Variants in CSMD3 observed in about 807,000 individuals in gnomAD.
The protein encoded by CSMD3 is CUB and sushi domain-containing protein 3.
In CSMD3, 177 loss-of-function variants were observed where a neutral mutation model predicts 435.2. That is an observed-to-expected ratio of 0.41 (90% CI 0.36 to 0.46). CSMD3 has a LOEUF of 0.46. CSMD3 is among the 20% of genes least tolerant of loss of function. The probability of loss-of-function intolerance (pLI) is 0.34; values close to 1 mark genes in which losing one functional copy is unlikely to be tolerated. For synonymous variants in CSMD3, 1,656 were observed against 1,520.5 expected, an observed-to-expected ratio of 1.09 and a Z score of -2.07; for missense variants, 4,265 against 4,504.6, an observed-to-expected ratio of 0.95 and a Z score of 1.52.
intron 2 of CSMD3, among the ~76,000 whole-genome samples, chr8:113,308,589 A>G (rs1168030386): frequency 6.6e-6 from 1 of 152,148 alleles, no homozygotes; most frequent in Non-Finnish European, 1.5e-5. Flanking sequence ...TCTTATGTAT[A>G]CAGTCATAAA....
intron 13 of CSMD3, among the ~76,000 whole-genome samples, chr8:112,773,843 C>A (rs1175810829): frequency 6.6e-6 from 1 of 151,850 alleles, no homozygotes; most frequent in Non-Finnish European, 1.5e-5. Context: ...ATATTTCCTG[C>A]CAAAGTAGAA....
At chr8:112,829,623 T>G (rs2079803325) in intron 12 of CSMD3, 63 bp downstream of exon 12, 4 of 901,976 alleles carry the variant, frequency 4.4e-6, no homozygotes, top group Non-Finnish European at 3.7e-6. Flanking sequence ...AAACAATAAT[T>G]TGAAAGTAAA....
chr8:113,228,260 C>T (rs1265977580), intron 3 of CSMD3, among the ~76,000 whole-genome samples: 1 of 151,578 alleles, frequency 6.6e-6, no homozygotes, highest in African/African-American at 2.4e-5. Context: ...GGTCCACCTT[C>T]CCCTATCTCT....
chr8:113,392,120 T>C (rs982731280), intron 1 of CSMD3, among the ~76,000 whole-genome samples: 6 of 152,092 alleles, frequency 3.9e-5, no homozygotes, highest in African/African-American at 1.4e-4. Flanking sequence ...CAAATTATCA[T>C]TAGTTTTGAG....
chr8:112,295,650 T>C (rs1820187344), intron 54 of CSMD3, among the ~76,000 whole-genome samples, 183 bp downstream of exon 54: 1 of 151,912 alleles, frequency 6.6e-6, no homozygotes. Context: ...AAAATATAAC[T>C]GAAATTCTCT....
intron 1 of CSMD3, among the ~76,000 whole-genome samples, chr8:113,386,532 A>G (rs758899967): frequency 6.6e-6 from 1 of 151,868 alleles, no homozygotes; most frequent in Non-Finnish European, 1.5e-5. Flanking sequence ...CAATACTGGC[A>G]TATTCTGTTA....
chr8:112,430,393 G>T (rs1007540257), intron 32 of CSMD3, among the ~76,000 whole-genome samples: 1 of 151,978 alleles, frequency 6.6e-6, no homozygotes, highest in Admixed American at 6.6e-5. Flanking sequence ...CACTCATTTA[G>T]GTAATCAGTT....
chr8:112,406,999 AT>A (rs1831918815), intron 34 of CSMD3, among the ~76,000 whole-genome samples: 1 of 151,948 alleles, frequency 6.6e-6, no homozygotes, highest in African/African-American at 2.4e-5. Context: ...ACTCATTAAT[AT>A]TACAAAATAG....
chr8:112,246,980 C>A, intron 64 of CSMD3, 40 bp downstream of exon 64: 1 of 1,374,566 alleles, frequency 7.3e-7, no homozygotes, highest in Non-Finnish European at 1.0e-6. Context: ...CATATAAATT[C>A]TTACCCATGA....
At chr8:112,506,557 A>G (rs543956620) in intron 29 of CSMD3, 134 bp downstream of exon 29, 4 of 820,568 alleles carry the variant, frequency 4.9e-6, no homozygotes, top group Admixed American at 4.5e-5. Context: ...TAGAACAACT[A>G]TTAGCACTGG....
chr8:113,106,141 A>G (rs1255732519), intron 4 of CSMD3, among the ~76,000 whole-genome samples: 2 of 152,014 alleles, frequency 1.3e-5, no homozygotes, highest in Non-Finnish European at 2.9e-5. Flanking sequence ...TTGTAAAAAC[A>G]AACGAACCAA....
intron 61 of CSMD3, among the ~76,000 whole-genome samples, chr8:112,256,586 G>C (rs1337246543): frequency 6.6e-6 from 1 of 152,088 alleles, no homozygotes; most frequent in Non-Finnish European, 1.5e-5. Flanking sequence ...AGTGTAATGG[G>C]GAATGAAAGC....
rs187629495 is a variant in CSMD3 at position 113,168,792 on chromosome 8, T to C, written c.709+4930A>G. Among the ~76,000 whole-genome samples, 73 of 152,168 alleles carry C rather than the reference T, an allele frequency of 4.8e-4. 2 individuals are homozygous for C. The highest frequency in any genetic ancestry group is 4.2e-3 in the Admixed American group (64 of 15,282). ...TAAGTTAGTTTTATCAATAACCTTA[T>C]CTATTATTTATTTAGTATCATATTT... On this transcript the variant is annotated intron_variant, in intron 4 of 70. Coordinates refer to ENST00000297405, the MANE Select transcript of CSMD3 (RefSeq NM_198123.2).
intron 13 of CSMD3, among the ~76,000 whole-genome samples, chr8:112,705,788 A>C (rs2076487142): frequency 6.6e-6 from 1 of 152,086 alleles, no homozygotes; most frequent in Non-Finnish European, 1.5e-5. Context: ...ACCTTTGCTA[A>C]AAAATGTAAA....
chr8:112,623,331 A>G (rs79219965), intron 22 of CSMD3, among the ~76,000 whole-genome samples: 62 of 152,186 alleles, frequency 4.1e-4, no homozygotes, highest in East Asian at 3.7e-3. Context: ...ATTTGGCAGA[A>G]TCAAGCACAT....
chr8:112,305,877 C>G, intron 51 of CSMD3, 130 bp downstream of exon 51: 1 of 802,684 alleles, frequency 1.2e-6, no homozygotes, highest in Non-Finnish European at 2.2e-6. Flanking sequence ...GCTTACTTAA[C>G]TTTTATTTCT....
At chr8:112,584,288 G>C (rs184126073) in intron 23 of CSMD3, among the ~76,000 whole-genome samples, 288 of 151,718 alleles carry the variant, frequency 1.9e-3, no homozygotes, top group Non-Finnish European at 3.5e-3. Context: ...CACATGTAGA[G>C]GAACTGAATC....
chr8:112,782,040 G>A (rs573685064), intron 13 of CSMD3, among the ~76,000 whole-genome samples: 8 of 152,120 alleles, frequency 5.3e-5, no homozygotes, highest in South Asian at 4.1e-4. Flanking sequence ...AGGCATCTAC[G>A]AACATCCACA....
At chr8:112,813,432 T>A (rs1188336962) in intron 12 of CSMD3, among the ~76,000 whole-genome samples, 1 of 152,166 alleles carries the variant, frequency 6.6e-6, no homozygotes, top group Admixed American at 6.6e-5. Context: ...GAGATAGGAT[T>A]GTACAGGACT....
Sources: gnomAD v4.1 joint callset for allele counts (sites outside exome capture counted in the v4.1 genomes callset) on GRCh38, gnomAD v4.1.1 for gene constraint, MANE v1.5 for transcripts, NCBI Gene and HGNC (gene_info 2026-07-23, HGNC 2026-07-21) for gene names.